The following AK7 variants were observed in gnomAD, a reference collection of about 807,000 sequenced individuals.
The protein encoded by AK7 is adenylate kinase 7, also known as ATP-AMP transphosphorylase 7.
Under a neutral mutation model 96.6 loss-of-function variants are expected in AK7, and 78 were observed. That is an observed-to-expected ratio of 0.81 (90% CI 0.67 to 0.97). The LOEUF (loss-of-function observed/expected upper bound fraction) is 0.97. Ranked by LOEUF, AK7 falls within the 50% of genes least tolerant of loss-of-function variation. The pLI, the probability that AK7 is intolerant of heterozygous loss-of-function variation, is 0.00. For synonymous variants in AK7, 302 were observed against 317.2 expected (o/e 0.95, Z 0.51); for missense variants, 855 against 887.9 (o/e 0.96, Z 0.47).
chr14:96,482,316 T>C (rs1895546501), intron 15 of AK7, among the ~76,000 whole-genome samples: 1 of 152,132 alleles, frequency 6.6e-6, no homozygotes, highest in African/African-American at 2.4e-5. Flanking sequence ...GGTAAGCAGC[T>C]ACCCAGAGGA....
intron 1 of AK7, among the ~76,000 whole-genome samples, chr14:96,397,476 T>C (rs183735866): frequency 6.6e-6 from 1 of 152,342 alleles, no homozygotes; most frequent in African/African-American, 2.4e-5. Context: ...GTCGAGCTCC[T>C]GACCTCAAGT....
intron 14 of AK7, among the ~76,000 whole-genome samples, chr14:96,476,045 A>C (rs563801881): frequency 4.6e-5 from 7 of 152,080 alleles, no homozygotes; most frequent in African/African-American, 1.4e-4. Context: ...AACACATTCC[A>C]ATCTATGGTA....
At position 96,395,381 on chromosome 14, in the gene AK7, G is replaced by A. The variant is rs866398880; in HGVS notation, c.106-2694G>A. 2.1e-4 allele frequency among the ~76,000 whole-genome samples: 32 copies of A among 152,258 alleles called. No homozygotes were observed. The Middle Eastern group carries it at 0.014, about 65-fold the overall frequency. ...TCCTAAAGGTCTTCATCCTCTTTGTGTTCATGTTGCATAGGCTGAGGCAGA... is the reference window on the plus strand; with the variant it reads ...TCCTAAAGGTCTTCATCCTCTTTGTATTCATGTTGCATAGGCTGAGGCAGA... On this transcript the variant is annotated intron_variant, in intron 1 of 17. Transcript: ENST00000267584.
chr14:96,442,031 AC>A (rs1212594529), intron 6 of AK7, among the ~76,000 whole-genome samples: 3 of 152,140 alleles, frequency 2.0e-5, no homozygotes, highest in African/African-American at 7.2e-5. Context: ...ATCTTACAAG[AC>A]CCAGTGGTCT....
At chr14:96,402,197 A>G (rs995021011) in intron 2 of AK7, among the ~76,000 whole-genome samples, 1,519 of 151,814 alleles carry the variant, frequency 0.01, 17 homozygotes, top group Non-Finnish European at 0.017. Flanking sequence ...ACACACACAC[A>G]CACACACACA....
At chr14:96,457,054 CTTT>C (rs35838636) in intron 11 of AK7, 4 of 86,718 alleles carry the variant, frequency 4.6e-5, no homozygotes, top group African/African-American at 1.3e-4. Context: ...TGTAAAATGG[CTTT>C]TTTTTTTTTT....
intron 11 of AK7, among the ~76,000 whole-genome samples, chr14:96,457,747 A>G (rs112774518): frequency 1.3e-5 from 2 of 152,344 alleles, no homozygotes; most frequent in Admixed American, 6.5e-5. Context: ...GCTTTCATAA[A>G]TGATTATTAA....
intron 5 of AK7, among the ~76,000 whole-genome samples, chr14:96,429,317 C>G (rs1595402003): frequency 6.6e-6 from 1 of 152,226 alleles, no homozygotes; most frequent in East Asian, 1.9e-4. Context: ...TTCCATTGGT[C>G]TATATATCTG....
intron 14 of AK7, among the ~76,000 whole-genome samples, chr14:96,477,719 A>G (rs369142845): frequency 6.6e-6 from 1 of 152,250 alleles, no homozygotes; most frequent in South Asian, 2.1e-4. Context: ...AGTGCTGACC[A>G]TAACATGTTG....
At chr14:96,455,661 G>T (rs1893855654) in intron 10 of AK7, among the ~76,000 whole-genome samples, 1 of 152,190 alleles carries the variant, frequency 6.6e-6, no homozygotes. Flanking sequence ...CTGGCAGTGT[G>T]TAATTCCTGA....
intron 12 of AK7, among the ~76,000 whole-genome samples, chr14:96,462,828 G>C (rs1894329406): frequency 6.6e-6 from 1 of 151,992 alleles, no homozygotes; most frequent in African/African-American, 2.4e-5. Flanking sequence ...CTGTAATCAA[G>C]GCAAAATTTC....
Position 96,458,182 on chromosome 14 carries a change from G to A in AK7, c.1327G>A (p.Gly443Ser), listed in dbSNP as rs764849404. 4.3e-6 allele frequency: 7 copies of A among 1,613,872 alleles called. No individual in the cohort carries two copies. The highest frequency in any genetic ancestry group is 3.3e-5 in the Admixed American group (2 of 59,978). The change falls in exon 12 of 18, where the codon GGC (glycine) becomes AGC (serine). Residue 443 changes from glycine to serine, a missense_variant. Physicochemically the swap from Gly to Ser is moderately conservative, Grantham distance 56. Coordinates refer to ENST00000267584, the MANE Select transcript of AK7 (RefSeq NM_152327.5). ...GGAAGATGCACAGGAGCTCCTAGAT[G>A]GCATCAAGGAGAGCATGGAGCAGAA... ...NVEDAQELLD[G>S]IKESMEQNAG...
At chr14:96,422,012 A>C (rs1329877704) in intron 5 of AK7, among the ~76,000 whole-genome samples, 5 of 152,154 alleles carry the variant, frequency 3.3e-5, no homozygotes, top group Non-Finnish European at 7.4e-5. Context: ...GACACACACA[A>C]GATAGTGAAA....
At chr14:96,415,447 T>G (rs1323457590) in intron 4 of AK7, among the ~76,000 whole-genome samples, 1 of 152,084 alleles carries the variant, frequency 6.6e-6, no homozygotes, top group African/African-American at 2.4e-5. Flanking sequence ...TTGCCACCTA[T>G]AGCTGGAATG....
chr14:96,454,097 C>T (rs976752373), intron 10 of AK7, among the ~76,000 whole-genome samples: 6 of 152,216 alleles, frequency 3.9e-5, no homozygotes, highest in East Asian at 1.9e-4. Context: ...TGGGACAGCG[C>T]TGCTAGCCAG....
chr14:96,464,594 T>G (rs912011180), intron 12 of AK7, among the ~76,000 whole-genome samples: 2 of 150,946 alleles, frequency 1.3e-5, no homozygotes, highest in African/African-American at 4.9e-5. Flanking sequence ...ATAGTGTACT[T>G]TATTATAAAG....
At chr14:96,423,911 G>A in intron 5 of AK7, 1 of 1,050,246 alleles carries the variant, frequency 9.5e-7, no homozygotes, top group South Asian at 1.3e-5. Flanking sequence ...AATCCGGAGA[G>A]GACTGTGCCA....
chr14:96,454,033 C>T (rs1893750480), intron 10 of AK7, among the ~76,000 whole-genome samples: 1 of 152,132 alleles, frequency 6.6e-6, no homozygotes, highest in African/African-American at 2.4e-5. Context: ...AACCATCCAT[C>T]CTCCCTATCC....
At chr14:96,433,171 T>C (rs1248345005) in intron 5 of AK7, among the ~76,000 whole-genome samples, 1 of 152,144 alleles carries the variant, frequency 6.6e-6, no homozygotes, top group East Asian at 1.9e-4. Context: ...TCTCGAGGAG[T>C]ATCTTTGTGG....
Sources: gnomAD v4.1 joint callset for allele counts (sites outside exome capture counted in the v4.1 genomes callset) on GRCh38, gnomAD v4.1.1 for gene constraint, MANE v1.5 for transcripts, NCBI Gene and HGNC (gene_info 2026-07-23, HGNC 2026-07-21) for gene names.